ZNF33A: variants seen among roughly 807,000 people sequenced by gnomAD.
ZNF33A encodes the protein brain my041 protein.
ZNF33A carries 9 observed loss-of-function variants against 15.9 expected under a neutral mutation model. That is an observed-to-expected ratio of 0.57 (90% CI 0.34 to 0.99). ZNF33A has a LOEUF of 0.99. Ranked by LOEUF, ZNF33A falls within the 50% of genes least tolerant of loss-of-function variation. ZNF33A has a pLI of 0.02. For missense variants in ZNF33A, 843 were observed against 941.6 expected, an observed-to-expected ratio of 0.90 and a Z score of 1.37; for synonymous variants, 294 against 324.2, an observed-to-expected ratio of 0.91 and a Z score of 1.00.
chr10:38,062,893 C>T (rs2066670863), downstream of ZNF33A, among the ~76,000 whole-genome samples: 1 of 147,322 alleles, frequency 6.8e-6, no homozygotes, highest in South Asian at 2.2e-4. Context: ...GTCCCAGCTA[C>T]TTGGGAGACT....
At chr10:38,017,165 T>C in intron 3 of ZNF33A, 126 bp from the exon 4 acceptor site, 1 of 1,365,976 alleles carries the variant, frequency 7.3e-7, no homozygotes, top group South Asian at 1.4e-5. Flanking sequence ...AGAAGATACT[T>C]GTGTTCACCT....
chr10:38,010,612 C>A (rs745760377), upstream of ZNF33A: 1 of 1,196,116 alleles, frequency 8.4e-7, no homozygotes, highest in Non-Finnish European at 1.2e-6. Context: ...CCAGGTAGGG[C>A]GCCAACAGCA....
intron 4 of ZNF33A, among the ~76,000 whole-genome samples, chr10:38,031,757 G>A (rs1310826038): frequency 6.6e-6 from 1 of 151,986 alleles, no homozygotes; most frequent in Non-Finnish European, 1.5e-5. Flanking sequence ...GAGGTCAGGA[G>A]ATGGAGACCA....
downstream of ZNF33A, among the ~76,000 whole-genome samples, chr10:38,067,260 A>ACTTTC (rs2066717018): frequency 1.3e-5 from 2 of 152,188 alleles, no homozygotes; most frequent in African/African-American, 4.8e-5. Flanking sequence ...GTTCATTCTT[A>ACTTTC]ACATGGTGTA....
chr10:38,055,325 A>C lies in ZNF33A; in HGVS notation c.1201A>C (p.Thr401Pro). 6.2e-7 allele frequency: 1 copy of C among 1,614,020 alleles called. No individual in the cohort carries two copies. Among genetic ancestry groups the C allele is most frequent in the East Asian group, 2.2e-5 (1 of 44,832 alleles). Residue 401 changes from threonine to proline, a missense_variant, in exon 5 of 5, where the codon ACA (threonine) becomes CCA (proline). Transcript: ENST00000432900. ...GKAFSHKSAL[T>P]LHQRTHTGEK... ...AGCCTTTAGCCATAAGTCAGCCCTC[A>C]CATTACACCAGAGAACACATACAGG...
At chr10:38,037,904 A>G (rs2065521418) in intron 4 of ZNF33A, among the ~76,000 whole-genome samples, 1 of 152,044 alleles carries the variant, frequency 6.6e-6, no homozygotes, top group Admixed American at 6.6e-5. Context: ...AGTTTCTCCA[A>G]AAAGGCAGAT....
chr10:38,059,892 A>G lies in ZNF33A; in HGVS notation c.*3332A>G, dbSNP rs2066629426. 2 of 168,048 alleles carry G rather than the reference A, an allele frequency of 1.2e-5. No individual in the cohort carries two copies. Among genetic ancestry groups the G allele is most frequent in the African/African-American group, 4.8e-5 (2 of 41,748 alleles). The allele number at this position is 168,048 out of a possible 1,614,324, so 10.4% of individuals were successfully genotyped here. ...ACTGTTGGCTCATTAATTGTAACAA[A>G]TGAACCATAATGATGCAAGATGTTA... is the stretch of plus-strand genomic sequence containing the variant. On this transcript the variant is annotated 3_prime_UTR_variant, in exon 5 of 5. Transcript: ENST00000432900.
downstream of ZNF33A, among the ~76,000 whole-genome samples, chr10:38,061,953 TCAAAA>T (rs367816410): frequency 2.0e-5 from 3 of 152,226 alleles, no homozygotes; most frequent in African/African-American, 7.2e-5. Context: ...CAAGACCGTC[TCAAAA>T]CAAAACAAAA....
rs1130229 is a variant in ZNF33A, at chr10:38,059,566, G to A, written c.*3006G>A. On this transcript the variant is annotated 3_prime_UTR_variant, in exon 5 of 5. Transcript: ENST00000432900. ...TGGACATCAAGTCATTAAAAGACAC[G>A]GAGAAACCCTAAATGCTTATTGTTA... The A allele has an allele frequency of 2.6e-5, 4 of 152,140 alleles. No individual in the cohort carries two copies. Among genetic ancestry groups the A allele is most frequent in the African/African-American group, 7.2e-5 (3 of 41,426 alleles). The allele number at this position is 152,140 out of a possible 1,614,324, so 9.4% of individuals were successfully genotyped here.
chr10:38,064,201 C>T, downstream of ZNF33A: 2 of 1,326,558 alleles, frequency 1.5e-6, no homozygotes, highest in Non-Finnish European at 1.0e-6. Context: ...TTCTTCCAAA[C>T]TACCTTCCCA....
In ZNF33A at chr10:38,056,657, A is replaced by T; in HGVS notation, c.*97A>T. On this transcript the variant is annotated 3_prime_UTR_variant, in exon 5 of 5. Transcript: ENST00000432900. The stretch of plus-strand genomic sequence containing the variant: ...AGGACAGCTTTTGTTAGGAAGTGAT[A>T]TTCTATGTAATATCAGATGGTTAAT... The T allele has an allele frequency of 1.1e-5, 16 of 1,452,318 alleles. No homozygotes were observed. The highest frequency in any genetic ancestry group is 1.4e-5 in the Non-Finnish European group (16 of 1,108,884). The allele number at this position is 1,452,318 out of a possible 1,614,324, so 90.0% of individuals were successfully genotyped here.
intron 4 of ZNF33A, among the ~76,000 whole-genome samples, chr10:38,031,141 A>G (rs1433626351): frequency 2.0e-5 from 3 of 152,252 alleles, no homozygotes; most frequent in Non-Finnish European, 4.4e-5. Flanking sequence ...AATCTGAATA[A>G]GGTTGATTGA....
At chr10:38,044,050 A>G (rs1443338014) in intron 4 of ZNF33A, 1 of 151,982 alleles carries the variant, frequency 6.6e-6, no homozygotes, top group Non-Finnish European at 1.5e-5. Context: ...TGTTATGAAT[A>G]TATTGGTGTA....
intron 4 of ZNF33A, among the ~76,000 whole-genome samples, chr10:38,048,931 C>T (rs1354259631): frequency 6.6e-6 from 1 of 152,048 alleles, no homozygotes. Context: ...ATATCTTCTG[C>T]ACCCTCCTCC....
chr10:38,017,263 C>G (rs1590463304), intron 3 of ZNF33A, 28 bp from the exon 4 acceptor site: 1 of 1,606,388 alleles, frequency 6.2e-7, no homozygotes, highest in Non-Finnish European at 8.5e-7. Context: ...CTGCTTGGTC[C>G]AAATCCTAAA....
At chr10:38,052,808 T>C (rs1415425106) in intron 4 of ZNF33A, among the ~76,000 whole-genome samples, 2 of 152,102 alleles carry the variant, frequency 1.3e-5, no homozygotes, top group African/African-American at 2.4e-5. Flanking sequence ...TTTATTAAGC[T>C]ATGTTTTGGA....
At chr10:38,037,878 T>A (rs2065520282) in intron 4 of ZNF33A, among the ~76,000 whole-genome samples, 1 of 152,170 alleles carries the variant, frequency 6.6e-6, no homozygotes, top group South Asian at 2.1e-4. Context: ...CACATGAAAT[T>A]TTAGACCAGC....
chr10:38,028,153 A>G (rs1264317356), intron 4 of ZNF33A, among the ~76,000 whole-genome samples: 1 of 152,018 alleles, frequency 6.6e-6, no homozygotes, highest in East Asian at 1.9e-4. Context: ...TTGTGGTTCC[A>G]GCTACTTGGG....
chr10:38,066,065 A>G (rs1214897085), downstream of ZNF33A, among the ~76,000 whole-genome samples: 2 of 152,112 alleles, frequency 1.3e-5, no homozygotes, highest in Non-Finnish European at 2.9e-5. Context: ...AGAAGGAAAT[A>G]CATCTTCATC....
Sources: allele counts gnomAD v4.1 joint callset (sites outside exome capture counted in the v4.1 genomes callset), GRCh38; gene constraint gnomAD v4.1.1; transcripts MANE v1.5; gene names NCBI Gene and HGNC (gene_info 2026-07-23, HGNC 2026-07-21).